MUSK: variants seen among roughly 807,000 people sequenced by gnomAD.
MUSK encodes muscle associated receptor tyrosine kinase.
Under a neutral mutation model 88.7 loss-of-function variants are expected in MUSK, and 55 were observed. The ratio of observed to expected loss-of-function variants is 0.62; its 90% CI spans 0.50 to 0.78. The LOEUF (loss-of-function observed/expected upper bound fraction) is 0.78. MUSK is among the 30% of genes least tolerant of loss of function. The pLI is 0.00. For missense variants in MUSK, 1,015 were observed against 1,074.3 expected (o/e 0.94, Z 0.77); for synonymous variants, 387 against 391.9 (o/e 0.99, Z 0.15).
rs567727108 is a variant in MUSK at position 110,774,830 on chromosome 9, A to G, written c.1185-958A>G. 8.1e-4 allele frequency among the ~76,000 whole-genome samples: 123 copies of G among 151,438 alleles called. 5 individuals are homozygous for G. The South Asian group carries it at 0.025, about 30-fold the overall frequency. On this transcript the variant is annotated intron_variant, in intron 9 of 14. Coordinates refer to ENST00000374448, the MANE Select transcript of MUSK (RefSeq NM_005592.4). ...AAGTTAGGAAAGTAGGAGTGTGGGA[A>G]TAAGTATGAAAAAAGACACCATTGT...
intron 1 of MUSK, among the ~76,000 whole-genome samples, chr9:110,677,010 G>A (rs1408122514): frequency 6.6e-6 from 1 of 152,142 alleles, no homozygotes; most frequent in Admixed American, 6.5e-5. Flanking sequence ...CTCCCTCACT[G>A]TGCTTTAAGA....
chr9:110,733,763 T>C (rs114865994), intron 5 of MUSK, among the ~76,000 whole-genome samples: 2 of 152,042 alleles, frequency 1.3e-5, no homozygotes, highest in East Asian at 3.9e-4. Context: ...GCTTTTGGCT[T>C]CAAACAATCT....
At chr9:110,734,612 T>G (rs1046833160) in intron 6 of MUSK, among the ~76,000 whole-genome samples, 5 of 152,122 alleles carry the variant, frequency 3.3e-5, no homozygotes, top group Non-Finnish European at 5.9e-5. Flanking sequence ...TCTTTGTGCC[T>G]TTGTGTAAAT....
At chr9:110,789,268 G>C (rs1475961047) in intron 14 of MUSK, among the ~76,000 whole-genome samples, 1 of 152,218 alleles carries the variant, frequency 6.6e-6, no homozygotes, top group Non-Finnish European at 1.5e-5. Context: ...TGGTAGTGAA[G>C]ATCGTGAGAA....
chr9:110,704,688 G>C (rs1301263752), intron 5 of MUSK, among the ~76,000 whole-genome samples: 1 of 152,110 alleles, frequency 6.6e-6, no homozygotes, highest in Non-Finnish European at 1.5e-5. Context: ...TCTCTGCATA[G>C]AGAATTATAT....
In MUSK at chr9:110,742,317, G is replaced by A. The variant is rs538119878; in HGVS notation, c.754-5324G>A. Among the ~76,000 whole-genome samples, 89 of 152,180 alleles carry A rather than the reference G, an allele frequency of 5.8e-4. 3 individuals are homozygous for A. In the South Asian group the frequency reaches 0.013, roughly 22 times the overall value. ...AAAAATACAAAAAATTTAGTCAGGC[G>A]TGGTGGCACATGTCTGTAGTCCCAG... On this transcript the variant is annotated intron_variant, in intron 6 of 14. Coordinates refer to ENST00000374448, the MANE Select transcript of MUSK (RefSeq NM_005592.4).
chr9:110,695,317 T>A (rs1368432695), intron 3 of MUSK, 86 bp from the exon 4 acceptor site: 2 of 938,600 alleles, frequency 2.1e-6, no homozygotes, highest in South Asian at 4.7e-5. Flanking sequence ...TCAAAACAGA[T>A]GTTTAGAATT....
Position 110,752,448 on chromosome 9 carries a change from T to C in MUSK, c.913+4648T>C, listed in dbSNP as rs888103545. On this transcript the variant is annotated intron_variant, in intron 7 of 14. Coordinates refer to ENST00000374448, the MANE Select transcript of MUSK (RefSeq NM_005592.4). ...TTTCTCCATTTCTGCTTTTGGCCCC[T>C]CTCTCGGCATCCGATGAGGCTGGCC... Among the ~76,000 whole-genome samples the C allele has an allele frequency of 5.3e-5, 8 of 152,362 alleles. No homozygotes were observed. In the East Asian group the frequency reaches 1.5e-3, roughly 29 times the overall value.
chr9:110,755,738 C>T (rs887337188), intron 7 of MUSK, among the ~76,000 whole-genome samples: 7 of 151,802 alleles, frequency 4.6e-5, no homozygotes, highest in Non-Finnish European at 7.4e-5. Context: ...TTCCCTTCTT[C>T]CCTTTCCTCC....
intron 5 of MUSK, among the ~76,000 whole-genome samples, chr9:110,721,914 A>C (rs4551442): frequency 0.38 from 57,603 of 152,026 alleles, 11,467 homozygotes; most frequent in Non-Finnish European, 0.44. Context: ...GTGGAACTGA[A>C]TTGTGAACCC....
At chr9:110,724,878 A>C (rs761147283) in intron 5 of MUSK, among the ~76,000 whole-genome samples, 11 of 151,968 alleles carry the variant, frequency 7.2e-5, no homozygotes, top group Non-Finnish European at 1.3e-4. Flanking sequence ...ATATATAAAA[A>C]TAAAAATTTA....
At chr9:110,670,190 A>G (rs2075939235) in intron 1 of MUSK, among the ~76,000 whole-genome samples, 1 of 152,154 alleles carries the variant, frequency 6.6e-6, no homozygotes, top group African/African-American at 2.4e-5. Flanking sequence ...TTAATTTCTA[A>G]TGAATACTTT....
chr9:110,786,741 G>C (rs184676296), intron 13 of MUSK, among the ~76,000 whole-genome samples: 4 of 152,148 alleles, frequency 2.6e-5, no homozygotes, highest in Non-Finnish European at 5.9e-5. Flanking sequence ...GCCAATATTA[G>C]CCTATGTATC....
chr9:110,776,886 T>C (rs549553604), intron 11 of MUSK, among the ~76,000 whole-genome samples: 180 of 152,324 alleles, frequency 1.2e-3, no homozygotes, highest in Middle Eastern at 6.8e-3. Flanking sequence ...ATACAAATGC[T>C]ATCTCCCACC....
chr9:110,691,779 T>C (rs1418879055), intron 3 of MUSK, among the ~76,000 whole-genome samples: 1 of 152,184 alleles, frequency 6.6e-6, no homozygotes, highest in Non-Finnish European at 1.5e-5. Context: ...TCTTATCTTT[T>C]GTTATTTTGC....
At chr9:110,694,312 G>C (rs1172276856) in intron 3 of MUSK, among the ~76,000 whole-genome samples, 2 of 149,264 alleles carry the variant, frequency 1.3e-5, no homozygotes, top group African/African-American at 4.9e-5. Context: ...CATGAACCCG[G>C]GAGGCGGAAC....
intron 11 of MUSK, among the ~76,000 whole-genome samples, chr9:110,782,902 C>T (rs758359733): frequency 6.6e-6 from 1 of 152,162 alleles, no homozygotes; most frequent in Non-Finnish European, 1.5e-5. Context: ...CTTCCAGTTC[C>T]AGGTGCCTGC....
chr9:110,711,101 G>T (rs1036297798), intron 5 of MUSK, among the ~76,000 whole-genome samples: 4 of 152,142 alleles, frequency 2.6e-5, no homozygotes, highest in African/African-American at 7.2e-5. Context: ...GCCTGTTGTG[G>T]GGTCGGGGGA....
rs182862963 is a variant in MUSK at position 110,784,667 on chromosome 9, C to A, written c.1385-148C>A. 3.6e-4 allele frequency: 206 copies of A among 577,324 alleles called. 1 individual carries two copies. In the East Asian group the frequency reaches 4.3e-3, roughly 12 times the overall value. The allele number at this position is 577,324 out of a possible 1,614,324, so 35.8% of individuals were successfully genotyped here. A position where few individuals can be genotyped will look rare whatever the true frequency, so the allele number is the denominator to read the frequency against. On this transcript the variant is annotated intron_variant, in intron 11 of 14. Transcript: ENST00000374448. The stretch of plus-strand genomic sequence containing the variant: ...AAGCTGGATTTACTTACAACTAGAC[C>A]TTACTGAACTTTATAAATATATAAC...
Sources: allele counts gnomAD v4.1 joint callset (sites outside exome capture counted in the v4.1 genomes callset), GRCh38; gene constraint gnomAD v4.1.1; transcripts MANE v1.5; gene names NCBI Gene and HGNC (gene_info 2026-07-23, HGNC 2026-07-21).